The following MAGI1 variants were observed in gnomAD, a reference collection of about 807,000 sequenced individuals.
MAGI1 encodes membrane-associated guanylate kinase, WW and PDZ domain-containing protein 1.
In MAGI1, 58 loss-of-function variants were observed where a neutral mutation model predicts 139.9. That is an observed-to-expected ratio of 0.41 (90% CI 0.34 to 0.52). The LOEUF is 0.52. Ranked by LOEUF, MAGI1 falls within the 20% of genes least tolerant of loss-of-function variation. MAGI1 has a pLI of 0.12. For synonymous variants in MAGI1, 812 were observed against 737.9 expected (o/e 1.10, Z -1.63); for missense variants, 1,874 against 1,901.6 (o/e 0.99, Z 0.27).
chr3:65,506,060 A>G (rs2107722475), intron 2 of MAGI1, among the ~76,000 whole-genome samples: 1 of 152,298 alleles, frequency 6.6e-6, no homozygotes, highest in Non-Finnish European at 1.5e-5. Flanking sequence ...CGTTTTCCTA[A>G]AAATTGCAGG....
intron 7 of MAGI1, among the ~76,000 whole-genome samples, chr3:65,443,833 C>T (rs1948502264): frequency 1.3e-5 from 2 of 152,198 alleles, no homozygotes; most frequent in Non-Finnish European, 2.9e-5. Flanking sequence ...TTAAGACCAA[C>T]TTTGATAGAA....
intron 1 of MAGI1, among the ~76,000 whole-genome samples, chr3:65,678,698 T>C (rs1420124741): frequency 6.6e-6 from 1 of 152,194 alleles, no homozygotes; most frequent in Non-Finnish European, 1.5e-5. Context: ...CTTTCTTCTC[T>C]TTCCTTTTGC....
At chr3:65,401,559 T>A (rs1194307274) in intron 12 of MAGI1, 89 bp from the exon 13 acceptor site, 2 of 1,562,490 alleles carry the variant, frequency 1.3e-6, no homozygotes, top group East Asian at 4.8e-5. Flanking sequence ...CCCCAGGTGT[T>A]CCATGGCAAC....
chr3:65,696,958 A>G (rs2089249117), intron 1 of MAGI1, among the ~76,000 whole-genome samples: 1 of 152,210 alleles, frequency 6.6e-6, no homozygotes, highest in South Asian at 2.1e-4. Flanking sequence ...AAGGATCAAC[A>G]AAATTGATAG....
rs139975530 is a variant in MAGI1, at chr3:65,894,757, A to G, written c.313+143239T>C. 6.4e-3 allele frequency among the ~76,000 whole-genome samples: 982 copies of G among 152,344 alleles called. 16 individuals are homozygous for G. The highest frequency in any genetic ancestry group is 0.021 in the African/African-American group (891 of 41,584). On this transcript the variant is annotated intron_variant, in intron 1 of 22. Coordinates refer to ENST00000402939, the MANE Select transcript of MAGI1 (RefSeq NM_001033057.2). ...GAGCTACAAACTCCATCTGATGCCA[A>G]AACTAAAAGGGGAGTTATCACTCAT...
intron 1 of MAGI1, among the ~76,000 whole-genome samples, chr3:65,859,168 A>G (rs2059464036): frequency 6.6e-6 from 1 of 152,076 alleles, no homozygotes; most frequent in Admixed American, 6.6e-5. Context: ...TCCTGTCTCT[A>G]CTAAAAATAC....
At chr3:65,761,513 G>C (rs1349774723) in intron 1 of MAGI1, among the ~76,000 whole-genome samples, 1 of 152,112 alleles carries the variant, frequency 6.6e-6, no homozygotes, top group Admixed American at 6.6e-5. Flanking sequence ...AATTACATGA[G>C]GTTTCATTTC....
At chr3:65,420,920 A>G (rs905619575) in intron 12 of MAGI1, among the ~76,000 whole-genome samples, 10 of 152,230 alleles carry the variant, frequency 6.6e-5, no homozygotes, top group African/African-American at 2.4e-4. Flanking sequence ...TTGTGAATAT[A>G]ACAGAAATAA....
At chr3:65,822,240 G>A (rs915661031) in intron 1 of MAGI1, among the ~76,000 whole-genome samples, 3 of 152,172 alleles carry the variant, frequency 2.0e-5, no homozygotes, top group Non-Finnish European at 2.9e-5. Context: ...AAGACCAATT[G>A]TATTAGACTG....
intron 2 of MAGI1, among the ~76,000 whole-genome samples, chr3:65,570,705 A>G (rs992079113): frequency 6.6e-6 from 1 of 152,238 alleles, no homozygotes; most frequent in Middle Eastern, 3.2e-3. Flanking sequence ...TGTTGAAGCT[A>G]CATGATGGGC....
intron 2 of MAGI1, among the ~76,000 whole-genome samples, chr3:65,583,216 T>A (rs540399489): frequency 6.6e-6 from 1 of 152,192 alleles, no homozygotes; most frequent in Non-Finnish European, 1.5e-5. Flanking sequence ...TGAGTCCAGA[T>A]GTCAAGCACC....
chr3:65,464,600 A>G (rs774799764), intron 5 of MAGI1, among the ~76,000 whole-genome samples: 2 of 152,056 alleles, frequency 1.3e-5, no homozygotes, highest in Non-Finnish European at 2.9e-5. Context: ...GCTTCTTTCG[A>G]TTAACATTTA....
At chr3:65,588,589 A>G (rs2081805773) in intron 2 of MAGI1, among the ~76,000 whole-genome samples, 1 of 152,220 alleles carries the variant, frequency 6.6e-6, no homozygotes, top group Admixed American at 6.5e-5. Flanking sequence ...GTGCAGGTTA[A>G]GTATCTGTAA....
At chr3:65,826,324 T>C (rs1042379486) in intron 1 of MAGI1, among the ~76,000 whole-genome samples, 2 of 152,222 alleles carry the variant, frequency 1.3e-5, no homozygotes, top group Non-Finnish European at 2.9e-5. Context: ...GGCATAAGCA[T>C]ATGCATTTCA....
At chr3:65,638,576 G>A (rs889797277) in intron 1 of MAGI1, among the ~76,000 whole-genome samples, 2 of 141,576 alleles carry the variant, frequency 1.4e-5, no homozygotes, top group South Asian at 2.3e-4. Flanking sequence ...GACTACAGGA[G>A]TGCGCCACCA....
intron 1 of MAGI1, among the ~76,000 whole-genome samples, chr3:65,775,026 T>C (rs1035950618): frequency 9.9e-5 from 15 of 152,168 alleles, no homozygotes; most frequent in African/African-American, 3.1e-4. Context: ...TCAATAAATA[T>C]TGGCTATTTT....
intron 1 of MAGI1, among the ~76,000 whole-genome samples, chr3:65,919,071 T>C (rs1411063857): frequency 1.3e-5 from 2 of 152,314 alleles, no homozygotes; most frequent in East Asian, 1.9e-4. Context: ...TGGTTAACAT[T>C]GATCTGTGAA....
intron 1 of MAGI1, among the ~76,000 whole-genome samples, chr3:66,036,732 C>T (rs574308732): frequency 2.6e-5 from 4 of 152,220 alleles, no homozygotes; most frequent in Non-Finnish European, 5.9e-5. Context: ...ATTCCTCCAG[C>T]TGCTGCCTGT....
chr3:65,462,708 C>T (rs1213115708), intron 5 of MAGI1, among the ~76,000 whole-genome samples: 1 of 152,120 alleles, frequency 6.6e-6, no homozygotes, highest in Non-Finnish European at 1.5e-5. Flanking sequence ...TTACTTTGGG[C>T]AGTATGGCCA....
Sources: gnomAD v4.1 joint callset for allele counts (sites outside exome capture counted in the v4.1 genomes callset) on GRCh38, gnomAD v4.1.1 for gene constraint, MANE v1.5 for transcripts, NCBI Gene and HGNC (gene_info 2026-07-23, HGNC 2026-07-21) for gene names.